LY6S: variants seen among roughly 807,000 people sequenced by gnomAD.
LY6S encodes lymphocyte antigen 6 family member S, also known as lymphocyte antigen 6S.
chr8:143,053,212 A>G, the LY6S span: 6 of 152,220 alleles, frequency 3.9e-5, no homozygotes, highest in Admixed American at 1.3e-4. Context: ...AAACTTTGCA[A>G]TTAACCTTTA....
At chr8:143,057,317 T>C in the LY6S span, 92 of 353,592 alleles carry the variant, frequency 2.6e-4, no homozygotes, top group Middle Eastern at 9.8e-4. Context: ...TGGTGCCATC[T>C]CGGCTCACTG....
the LY6S span, chr8:143,042,414 G>A: frequency 6.5e-6 from 1 of 153,222 alleles, no homozygotes; most frequent in African/African-American, 2.4e-5. Context: ...ATGTTCCCTG[G>A]AGCCACATGG....
the LY6S span, chr8:143,057,218 A>G: frequency 3.4e-6 from 1 of 293,460 alleles, no homozygotes; most frequent in Non-Finnish European, 6.7e-6. Flanking sequence ...TTGGCTTTAT[A>G]AGCCTTTAGT....
the LY6S span, among the ~76,000 whole-genome samples, chr8:143,067,641 T>C: frequency 6.6e-6 from 1 of 152,214 alleles, no homozygotes; most frequent in Non-Finnish European, 1.5e-5. Context: ...TCAGGATTTA[T>C]TGATCACTAT....
chr8:143,064,697 C>T, the LY6S span, among the ~76,000 whole-genome samples: 2 of 152,160 alleles, frequency 1.3e-5, no homozygotes, highest in African/African-American at 4.8e-5. Context: ...CTTTTAAATC[C>T]AGTACTGCAA....
the LY6S span, chr8:143,057,899 C>A: frequency 1.6e-6 from 1 of 622,048 alleles, no homozygotes; most frequent in East Asian, 2.8e-5. Context: ...CCAGCCCATG[C>A]GCAACCAGAG....
At chr8:143,052,517 C>A in the LY6S span, among the ~76,000 whole-genome samples, 1 of 152,320 alleles carries the variant, frequency 6.6e-6, no homozygotes, top group African/African-American at 2.4e-5. Context: ...TTGACCGCAC[C>A]CACACGCCCT....
chr8:143,051,791 G>A, the LY6S span, among the ~76,000 whole-genome samples: 3 of 151,740 alleles, frequency 2.0e-5, no homozygotes, highest in African/African-American at 7.3e-5. Context: ...GGCCTACATG[G>A]AGAAACCCCG....
At chr8:143,073,024 CCGGGG>C in the LY6S span, among the ~76,000 whole-genome samples, 1 of 22,780 alleles carries the variant, frequency 4.4e-5, no homozygotes, top group East Asian at 2.9e-3. Context: ...GCCGTCGTCC[CCGGGG>C]TCCCTGTTTG....
chr8:143,049,404 A>G, the LY6S span: 2 of 415,768 alleles, frequency 4.8e-6, no homozygotes, highest in Admixed American at 5.2e-5. Context: ...CTTCATCGCC[A>G]TCCCGCAGCT....
At chr8:143,065,986 T>C in the LY6S span, 4 of 348,398 alleles carry the variant, frequency 1.1e-5, no homozygotes, top group African/African-American at 4.4e-5. Flanking sequence ...GTTCGGTCCT[T>C]GTGGGCTTCA....
At chr8:143,052,411 A>T in the LY6S span, among the ~76,000 whole-genome samples, 1 of 152,348 alleles carries the variant, frequency 6.6e-6, no homozygotes, top group African/African-American at 2.4e-5. Context: ...CTTTGCTCCC[A>T]AAATAACCGT....
At chr8:143,070,022 G>T in the LY6S span, among the ~76,000 whole-genome samples, 3 of 152,236 alleles carry the variant, frequency 2.0e-5, no homozygotes, top group Middle Eastern at 3.4e-3. Context: ...TACAGGAATG[G>T]ATTCTGTCGC....
At chr8:143,044,951 T>TGCCTGCAACTGGCA in the LY6S span, 99 of 736,538 alleles carry the variant, frequency 1.3e-4, no homozygotes, top group Non-Finnish European at 1.8e-4. Context: ...CCCACACACC[T>TGCCTGCAACTGGCA]GCCTGCAACT....
At chr8:143,074,396 A>G in the LY6S span, among the ~76,000 whole-genome samples, 2 of 151,994 alleles carry the variant, frequency 1.3e-5, no homozygotes, top group African/African-American at 4.8e-5. Context: ...ATTTTGGATA[A>G]TTTCTATGGA....
chr8:143,057,341 C>T, the LY6S span: 1 of 376,596 alleles, frequency 2.7e-6, no homozygotes, highest in Non-Finnish European at 5.1e-6. Flanking sequence ...TCTCCACCTC[C>T]AGGGTTCAAG....
At chr8:143,066,658 A>AG in the LY6S span, 1 of 169,766 alleles carries the variant, frequency 5.9e-6, no homozygotes, top group Admixed American at 6.0e-5. Flanking sequence ...TTGGAATGGG[A>AG]ATGTTTACCC....
At chr8:143,043,943 G>T in the LY6S span, among the ~76,000 whole-genome samples, 1 of 152,224 alleles carries the variant, frequency 6.6e-6, no homozygotes, top group Non-Finnish European at 1.5e-5. Context: ...CCAAAGTGCT[G>T]GGACTACAGT....
At chr8:143,056,619 C>T in the LY6S span, among the ~76,000 whole-genome samples, 2 of 152,082 alleles carry the variant, frequency 1.3e-5, no homozygotes, top group Admixed American at 6.6e-5. Flanking sequence ...CCATGTTCCA[C>T]AAAAAGGCTA....
Sources: allele counts gnomAD v4.1 joint callset (sites outside exome capture counted in the v4.1 genomes callset), GRCh38; gene constraint gnomAD v4.1.1; transcripts MANE v1.5; gene names NCBI Gene and HGNC (gene_info 2026-07-23, HGNC 2026-07-21).